Variants in PPP2R5A observed in about 807,000 individuals in gnomAD.
PPP2R5A encodes protein phosphatase 2 regulatory subunit B'alpha.
A neutral mutation model predicts 64.2 loss-of-function variants in PPP2R5A; 25 were observed. The ratio of observed to expected loss-of-function variants is 0.39; its 90% confidence interval spans 0.28 to 0.54. The LOEUF (loss-of-function observed/expected upper bound fraction) is 0.54, where lower values mean the gene tolerates loss of function less well. PPP2R5A is among the 20% of genes least tolerant of loss of function. The probability of loss-of-function intolerance (pLI) is 0.67; values close to 1 mark genes in which losing one functional copy is unlikely to be tolerated. For missense variants in PPP2R5A, 425 were observed against 576.3 expected, an observed-to-expected ratio of 0.74 and a Z score of 2.69; for synonymous variants, 198 against 201.2, an observed-to-expected ratio of 0.98 and a Z score of 0.13.
intron 2 of PPP2R5A, 78 bp from the exon 3 acceptor site, chr1:212,333,419 C>A: frequency 1.1e-6 from 1 of 934,510 alleles, no homozygotes; most frequent in Non-Finnish European, 1.5e-6. Flanking sequence ...TGAAAGTGAT[C>A]TTTAAAATAC....
intron 1 of PPP2R5A, among the ~76,000 whole-genome samples, chr1:212,291,714 G>C (rs1352324635): frequency 6.6e-6 from 1 of 152,178 alleles, no homozygotes; most frequent in Middle Eastern, 3.2e-3. Context: ...CTTATTAGCT[G>C]CTTTCCTGAA....
In PPP2R5A at chr1:212,309,250, A is replaced by G. The variant is rs552790806; in HGVS notation, c.182-19885A>G. On this transcript the variant is annotated intron_variant, in intron 1 of 12. Coordinates refer to ENST00000261461, the MANE Select transcript of PPP2R5A (RefSeq NM_006243.4). ...GAACACAAGTGTATTGTTGTCTTCT[A>G]TCTTCTTCATGGCAGACTCAGTGGT... The G allele has an allele frequency of 4.0e-5, 60 of 1,501,342 alleles. 1 individual carries two copies. The highest frequency in any genetic ancestry group is 8.3e-5 in the African/African-American group (6 of 72,208). 93.0% of individuals were successfully genotyped at this position (1,501,342 alleles called of 1,614,324 possible).
Position 212,357,288 on chromosome 1 carries a change from A to C in PPP2R5A, c.1226+4A>C. 2 of 1,566,222 alleles carry C rather than the reference A, an allele frequency of 1.3e-6. No homozygotes were observed. Among genetic ancestry groups the C allele is most frequent in the Non-Finnish European group, 1.7e-6 (2 of 1,164,094 alleles). On this transcript the variant is annotated splice_donor_region_variant and intron_variant, in intron 11 of 12. Transcript: ENST00000261461. ...TTTCCAAAGAACACTGGAATCCGTA[A>C]GTATCTTTTATATAGGTCGTATTTT... is the stretch of plus-strand genomic sequence containing the variant.
intron 8 of PPP2R5A, among the ~76,000 whole-genome samples, chr1:212,352,161 T>A (rs986791394): frequency 2.0e-5 from 3 of 151,750 alleles, no homozygotes; most frequent in Non-Finnish European, 2.9e-5. Flanking sequence ...GTAGCTGAGA[T>A]AACAGGCGCC....
At chr1:212,296,316 CAAAT>C (rs1210999087) in intron 1 of PPP2R5A, among the ~76,000 whole-genome samples, 2 of 152,016 alleles carry the variant, frequency 1.3e-5, no homozygotes, top group African/African-American at 4.8e-5. Context: ...TTATAAATAT[CAAAT>C]AGATCACTGC....
chr1:212,289,238 T>G (rs1471248724), intron 1 of PPP2R5A, among the ~76,000 whole-genome samples: 2 of 152,200 alleles, frequency 1.3e-5, no homozygotes, highest in Non-Finnish European at 2.9e-5. Context: ...TCATACCAAG[T>G]GAAACAATCC....
chr1:212,342,566 GAA>G (rs1482435291), intron 4 of PPP2R5A, among the ~76,000 whole-genome samples: 2 of 152,152 alleles, frequency 1.3e-5, no homozygotes, highest in African/African-American at 4.8e-5. Context: ...CAGTATCTGA[GAA>G]AATGTGGTAT....
At chr1:212,334,861 G>T (rs1007472414) in intron 3 of PPP2R5A, among the ~76,000 whole-genome samples, 1 of 152,102 alleles carries the variant, frequency 6.6e-6, no homozygotes, top group African/African-American at 2.4e-5. Context: ...GTATCTAGGT[G>T]TGGATCTTCT....
At position 212,286,105 on chromosome 1, in the gene PPP2R5A, G is replaced by A; in HGVS notation, c.-6G>A. ...GCCGGAGCTGCCAAGCGTCAGGGCC[G>A]CGGAGATGTCGTCGTCGTCGCCGCC... is the stretch of plus-strand genomic sequence containing the variant. On this transcript the variant is annotated 5_prime_UTR_variant, in exon 1 of 13. Coordinates refer to ENST00000261461, the MANE Select transcript of PPP2R5A (RefSeq NM_006243.4). The A allele has an allele frequency of 6.4e-7, 1 of 1,559,378 alleles. No individual in the cohort carries two copies. Among genetic ancestry groups the A allele is most frequent in the African/African-American group, 1.4e-5 (1 of 72,764 alleles).
chr1:212,337,489 A>C (rs1659610212), intron 3 of PPP2R5A, among the ~76,000 whole-genome samples: 1 of 152,166 alleles, frequency 6.6e-6, no homozygotes, highest in African/African-American at 2.4e-5. Flanking sequence ...CTAGCAACAT[A>C]CATATATTAC....
In PPP2R5A at chr1:212,329,889, C is replaced by G. The variant is rs546833181; in HGVS notation, c.378+558C>G. Among the ~76,000 whole-genome samples the G allele has an allele frequency of 1.6e-3, 239 of 152,246 alleles. 3 individuals carry two copies. In the South Asian group the frequency reaches 0.025, roughly 16 times the overall value. On this transcript the variant is annotated intron_variant, in intron 2 of 12. Coordinates refer to ENST00000261461, the MANE Select transcript of PPP2R5A (RefSeq NM_006243.4). ...TTGAACTCCTGACACGTTGATCGAC[C>G]TGCCGCGGCCTCTGAAAATGCTGGG...
At chr1:212,342,848 CTTTTTT>C (rs34379519) in intron 4 of PPP2R5A, among the ~76,000 whole-genome samples, 1 of 149,258 alleles carries the variant, frequency 6.7e-6, no homozygotes, top group Non-Finnish European at 1.5e-5. Flanking sequence ...GTGATGCCTT[CTTTTTT>C]TTTTATAAAC....
At chr1:212,317,545 C>G (rs769551338) in intron 1 of PPP2R5A, among the ~76,000 whole-genome samples, 4 of 152,034 alleles carry the variant, frequency 2.6e-5, no homozygotes, top group Non-Finnish European at 5.9e-5. Context: ...AACTTACATA[C>G]TTCCATGACA....
chr1:212,290,105 C>G (rs1658574084), intron 1 of PPP2R5A, among the ~76,000 whole-genome samples: 1 of 152,152 alleles, frequency 6.6e-6, no homozygotes, highest in South Asian at 2.1e-4. Flanking sequence ...AAAACTTTCC[C>G]AAGTAGCACT....
At chr1:212,342,035 A>G (rs1659693958) in intron 3 of PPP2R5A, among the ~76,000 whole-genome samples, 153 bp from the exon 4 acceptor site, 1 of 152,174 alleles carries the variant, frequency 6.6e-6, no homozygotes, top group Admixed American at 6.6e-5. Context: ...ATTTTTAAAA[A>G]AAATTTTTTT....
At chr1:212,325,373 T>G (rs555452376) in intron 1 of PPP2R5A, among the ~76,000 whole-genome samples, 1 of 152,094 alleles carries the variant, frequency 6.6e-6, no homozygotes, top group African/African-American at 2.4e-5. Flanking sequence ...GGAAATCTAG[T>G]GAAGTATTTC....
chr1:212,302,265 T>G (rs1338849184), intron 1 of PPP2R5A, among the ~76,000 whole-genome samples: 1 of 152,194 alleles, frequency 6.6e-6, no homozygotes, highest in Non-Finnish European at 1.5e-5. Flanking sequence ...CGGTGAACTG[T>G]TCTTAAAACC....
At chr1:212,360,592 G>T in intron 12 of PPP2R5A, 46 bp from the exon 13 acceptor site, 6 of 1,458,146 alleles carry the variant, frequency 4.1e-6, no homozygotes, top group Non-Finnish European at 5.5e-6. Context: ...CCTCTCTTTG[G>T]GTTCTGAAAT....
chr1:212,353,221 T>A (rs1043002536), intron 8 of PPP2R5A, among the ~76,000 whole-genome samples: 2 of 152,240 alleles, frequency 1.3e-5, no homozygotes, highest in Admixed American at 1.3e-4. Flanking sequence ...CCTCAGATCC[T>A]TGTCACCCAG....
Sources: allele counts gnomAD v4.1 joint callset (sites outside exome capture counted in the v4.1 genomes callset), GRCh38; gene constraint gnomAD v4.1.1; transcripts MANE v1.5; gene names NCBI Gene and HGNC (gene_info 2026-07-23, HGNC 2026-07-21).